Variants in GRIN2A observed in about 807,000 individuals in gnomAD.
GRIN2A encodes glutamate ionotropic receptor NMDA type subunit 2A.
A neutral mutation model predicts 113.4 loss-of-function variants in GRIN2A; 22 were observed. The observed-to-expected ratio is 0.19, with a 90% CI of 0.14 to 0.28. The LOEUF (loss-of-function observed/expected upper bound fraction) is 0.28, where lower values mean the gene tolerates loss of function less well. Ranked by LOEUF, GRIN2A falls within the 10% of genes least tolerant of loss-of-function variation. GRIN2A has a pLI of 1.00. For missense variants in GRIN2A, 1,502 were observed against 1,887.0 expected (o/e 0.80, Z 3.78); for synonymous variants, 827 against 738.4 (o/e 1.12, Z -1.94).
In GRIN2A at chr16:9,979,475, C is replaced by G. The variant is rs546009854; in HGVS notation, c.415-40924G>C. 7.2e-5 allele frequency among the ~76,000 whole-genome samples: 11 copies of G among 152,258 alleles called. No homozygotes were observed. In the East Asian group the frequency reaches 2.1e-3, roughly 29 times the overall value. ...CCCATCATCAGGACCTCCTTTTTAT[C>G]CTTCAGATTTCAGCTTAAACGTCTC... On this transcript the variant is annotated intron_variant, in intron 2 of 12. Transcript: ENST00000330684.
chr16:10,099,408 C>T (rs762987386), intron 2 of GRIN2A, among the ~76,000 whole-genome samples: 29 of 152,142 alleles, frequency 1.9e-4, no homozygotes, highest in Non-Finnish European at 2.8e-4. Flanking sequence ...CTCTGGAGTG[C>T]CTAGATTCAG....
At chr16:9,956,266 A>T (rs953019691) in intron 2 of GRIN2A, among the ~76,000 whole-genome samples, 11 of 152,196 alleles carry the variant, frequency 7.2e-5, no homozygotes, top group Non-Finnish European at 1.2e-4. Context: ...AACTTAAAAA[A>T]TTTTAAACCT....
intron 2 of GRIN2A, among the ~76,000 whole-genome samples, chr16:10,122,177 C>T (rs995976117): frequency 2.6e-5 from 4 of 152,150 alleles, no homozygotes; most frequent in African/African-American, 7.2e-5. Context: ...GCAAAGTCCC[C>T]TGATAATATT....
chr16:9,809,352 C>T (rs1271815733), intron 10 of GRIN2A, among the ~76,000 whole-genome samples: 1 of 152,026 alleles, frequency 6.6e-6, no homozygotes, highest in Non-Finnish European at 1.5e-5. Context: ...ATCACTTGAA[C>T]CTGGGAGGCA....
intron 4 of GRIN2A, among the ~76,000 whole-genome samples, chr16:9,850,633 T>C (rs986348086): frequency 1.9e-4 from 29 of 151,832 alleles, no homozygotes; most frequent in African/African-American, 7.0e-4. Context: ...AGAGAAGAGA[T>C]GGAGCAGGTG....
intron 4 of GRIN2A, among the ~76,000 whole-genome samples, chr16:9,868,822 T>C (rs7204928): frequency 0.34 from 52,261 of 151,994 alleles, 10,825 homozygotes; most frequent in African/African-American, 0.59. Context: ...CTGAGTACAT[T>C]GAGCTTTTCT....
chr16:9,903,886 G>A (rs1237487947), intron 3 of GRIN2A, among the ~76,000 whole-genome samples: 1 of 152,132 alleles, frequency 6.6e-6, no homozygotes, highest in Non-Finnish European at 1.5e-5. Context: ...CTGATATGAA[G>A]GGTGCTCCTG....
chr16:9,959,765 G>C (rs2045394498), intron 2 of GRIN2A, among the ~76,000 whole-genome samples: 1 of 152,214 alleles, frequency 6.6e-6, no homozygotes, highest in Non-Finnish European at 1.5e-5. Flanking sequence ...CCTGAGGTCA[G>C]GAGTTCGAGA....
intron 2 of GRIN2A, among the ~76,000 whole-genome samples, chr16:10,150,791 G>A (rs1401554076): frequency 3.9e-5 from 6 of 152,034 alleles, no homozygotes; most frequent in Non-Finnish European, 7.3e-5. Context: ...TTATTTCCCT[G>A]TCTAGTACTT....
At chr16:10,070,739 T>C (rs2047733704) in intron 2 of GRIN2A, among the ~76,000 whole-genome samples, 1 of 152,172 alleles carries the variant, frequency 6.6e-6, no homozygotes, top group African/African-American at 2.4e-5. Context: ...TTTCAGGTTT[T>C]GCAAACTGGC....
At chr16:9,819,284 C>G (rs1272316830) in intron 10 of GRIN2A, among the ~76,000 whole-genome samples, 1 of 152,060 alleles carries the variant, frequency 6.6e-6, no homozygotes. Context: ...CTTTGAGAGG[C>G]TGAGGCAGGA....
At chr16:10,092,886 T>G (rs1596497005) in intron 2 of GRIN2A, among the ~76,000 whole-genome samples, 1 of 148,372 alleles carries the variant, frequency 6.7e-6, no homozygotes, top group Non-Finnish European at 1.5e-5. Context: ...TTTAACAGGC[T>G]GGAGTGCAAT....
rs2142388340 is a variant in GRIN2A at position 10,180,089 on chromosome 16, G to A, written c.323C>T (p.Ala108Val). The change falls in exon 2 of 13, where the codon GCC (alanine) becomes GTC (valine). Residue 108 changes from alanine (A) to valine (V), a missense_variant. Physicochemically the swap from Ala to Val is moderately conservative, Grantham distance 64. Around this residue, in one of 7 missense-constraint regions of GRIN2A, gnomAD observed 149 missense variants for 179.1 expected, o/e 0.83. Coordinates refer to ENST00000330684, the MANE Select transcript of GRIN2A (RefSeq NM_001134407.3). This position sits in a 1 kb window ranked among gnomAD's most constrained non-coding sequence, Gnocchi z 7.0. ...GATAAAATCCAGCATCTGGGCTACG[G>A]CCTCCTGGTCCGTGTCGTCCCCAAA... ...LVFGDDTDQE[A>V]VAQMLDFISS... 6.2e-7 allele frequency: 1 copy of A among 1,614,184 alleles called. No individual in the cohort carries two copies. The highest frequency in any genetic ancestry group is 8.5e-7 in the Non-Finnish European group (1 of 1,180,028).
intron 2 of GRIN2A, among the ~76,000 whole-genome samples, chr16:10,127,280 T>C (rs1045974509): frequency 5.3e-5 from 8 of 151,790 alleles, no homozygotes; most frequent in Non-Finnish European, 8.8e-5. Flanking sequence ...TCTTTGGGTG[T>C]TTATTGGCTG....
intron 2 of GRIN2A, among the ~76,000 whole-genome samples, chr16:9,978,517 C>G (rs879477089): frequency 5.3e-5 from 8 of 152,128 alleles, no homozygotes; most frequent in Admixed American, 3.9e-4. Context: ...CCCCTTCCTC[C>G]TCTACTTCCT....
intron 2 of GRIN2A, among the ~76,000 whole-genome samples, chr16:9,959,580 G>C (rs151040459): frequency 6.6e-6 from 1 of 152,194 alleles, no homozygotes; most frequent in Non-Finnish European, 1.5e-5. Context: ...AGGAGTCGCC[G>C]TTCTGACTTA....
Position 9,908,029 on chromosome 16 carries a change from C to T in GRIN2A, c.1008-16929G>A, listed in dbSNP as rs181513614. On this transcript the variant is annotated intron_variant, in intron 3 of 12. Coordinates refer to ENST00000330684, the MANE Select transcript of GRIN2A (RefSeq NM_001134407.3). ...TGGCCGGAGCTGGAGTCCTGAGCAG[C>T]GTTGAGAATGTCCCGGTGTGCTGGA... is the stretch of plus-strand genomic sequence containing the variant. Among the ~76,000 whole-genome samples, 268 of 152,250 alleles carry T rather than the reference C, an allele frequency of 1.8e-3. 2 individuals are homozygous for T. Among genetic ancestry groups the T allele is most frequent in the African/African-American group, 5.9e-3 (246 of 41,556 alleles).
At chr16:9,909,888 T>C (rs1487779516) in intron 3 of GRIN2A, among the ~76,000 whole-genome samples, 1 of 152,238 alleles carries the variant, frequency 6.6e-6, no homozygotes, top group East Asian at 1.9e-4. Flanking sequence ...AAAAGTACTA[T>C]GTTAACAATA....
chr16:9,934,510 G>A (rs1596613645), intron 3 of GRIN2A, among the ~76,000 whole-genome samples: 2 of 151,636 alleles, frequency 1.3e-5, no homozygotes, highest in African/African-American at 2.4e-5. Flanking sequence ...GTGAAACCTC[G>A]TCTCTACTAA....
Sources: gnomAD v4.1 joint callset for allele counts (sites outside exome capture counted in the v4.1 genomes callset) on GRCh38, gnomAD v4.1.1 for gene constraint, gnomAD v4.1.1 regional missense constraint, Gnocchi (gnomAD v3.1) non-coding constraint, MANE v1.5 for transcripts, NCBI Gene and HGNC (gene_info 2026-07-23, HGNC 2026-07-21) for gene names.